Variants in EXT1 observed in about 807,000 individuals in gnomAD.
The protein encoded by EXT1 is exostosin glycosyltransferase 1.
In EXT1, 20 loss-of-function variants were observed where a neutral mutation model predicts 82.5. The observed-to-expected ratio is 0.24, with a 90% CI of 0.17 to 0.35. The LOEUF (loss-of-function observed/expected upper bound fraction) is 0.35, where lower values mean the gene tolerates loss of function less well. Among genes scored for constraint, EXT1 ranks in the 10% least tolerant of loss-of-function variants. The pLI is 1.00. For synonymous variants in EXT1, 348 were observed against 350.8 expected (o/e 0.99, Z 0.09); for missense variants, 757 against 936.5 (o/e 0.81, Z 2.50).
chr8:118,028,511 A>C (rs1816242645), intron 1 of EXT1, among the ~76,000 whole-genome samples: 1 of 152,092 alleles, frequency 6.6e-6, no homozygotes, highest in African/African-American at 2.4e-5. Context: ...TAAGATATAC[A>C]TATATAGATA....
Position 118,023,556 on chromosome 8 carries a change from G to A in EXT1, c.962+86529C>T, listed in dbSNP as rs148114766. Among the ~76,000 whole-genome samples, 496 of 152,262 alleles carry A rather than the reference G, an allele frequency of 3.3e-3. 2 individuals carry two copies. The highest frequency in any genetic ancestry group is 5.5e-3 in the Non-Finnish European group (374 of 68,012). On this transcript the variant is annotated intron_variant, in intron 1 of 10. Coordinates refer to ENST00000378204, the MANE Select transcript of EXT1 (RefSeq NM_000127.3). ...TCCTAGCAGGCTCTCAGGCTACTAG[G>A]AAAATGTAGTCATCATAAACTAAAC...
chr8:117,959,084 CTCCAAT>C (rs939895576), intron 1 of EXT1, among the ~76,000 whole-genome samples: 7 of 152,334 alleles, frequency 4.6e-5, no homozygotes, highest in African/African-American at 1.7e-4. Context: ...TCCACACTTC[CTCCAAT>C]TAGCATCACA....
intron 1 of EXT1, among the ~76,000 whole-genome samples, chr8:117,893,334 C>T (rs1813280765): frequency 1.3e-5 from 2 of 152,132 alleles, no homozygotes; most frequent in South Asian, 4.1e-4. Flanking sequence ...AGATGAGGCA[C>T]AGAAAAGCCA....
intron 1 of EXT1, among the ~76,000 whole-genome samples, chr8:118,098,023 A>C (rs547397148): frequency 1.1e-3 from 164 of 152,050 alleles, no homozygotes; most frequent in African/African-American, 3.8e-3. Flanking sequence ...GGGGAGAAGG[A>C]GGAGGAGTGT....
At chr8:117,922,283 G>A (rs1361212165) in intron 1 of EXT1, among the ~76,000 whole-genome samples, 1 of 152,082 alleles carries the variant, frequency 6.6e-6, no homozygotes, top group African/African-American at 2.4e-5. Flanking sequence ...TTTATCTCCC[G>A]AGGTCTAAGT....
chr8:117,887,069 CTGTT>C (rs2129933428), intron 1 of EXT1, among the ~76,000 whole-genome samples: 1 of 152,278 alleles, frequency 6.6e-6, no homozygotes, highest in South Asian at 2.1e-4. Context: ...GATATAGCCT[CTGTT>C]TAACAGTTCA....
chr8:117,852,392 GAT>G (rs1379172552), intron 1 of EXT1, among the ~76,000 whole-genome samples: 2 of 152,178 alleles, frequency 1.3e-5, no homozygotes, highest in African/African-American at 2.4e-5. Flanking sequence ...CTGAATAAGA[GAT>G]AACATCTTTC....
intron 4 of EXT1, among the ~76,000 whole-genome samples, chr8:117,829,569 C>CT (rs35823668): frequency 0.16 from 15,587 of 95,894 alleles, 1,680 homozygotes; most frequent in Non-Finnish European, 0.19. Context: ...ATATATTTTT[C>CT]TTTTTTTTTT....
chr8:118,029,412 C>G (rs929972066), intron 1 of EXT1, among the ~76,000 whole-genome samples: 1 of 152,046 alleles, frequency 6.6e-6, no homozygotes, highest in African/African-American at 2.4e-5. Context: ...GACAGTGAGA[C>G]CTCATCTCTT....
intron 1 of EXT1, among the ~76,000 whole-genome samples, chr8:118,097,531 G>A (rs1474017994): frequency 6.6e-6 from 1 of 152,172 alleles, no homozygotes; most frequent in African/African-American, 2.4e-5. Context: ...GGCTTTTTCA[G>A]AAGCTCCCCA....
At chr8:117,915,308 G>A (rs1226382441) in intron 1 of EXT1, among the ~76,000 whole-genome samples, 1 of 151,728 alleles carries the variant, frequency 6.6e-6, no homozygotes, top group Admixed American at 6.6e-5. Context: ...GAATAATTCT[G>A]CATAGAATGT....
intron 6 of EXT1, 85 bp downstream of exon 6, chr8:117,819,591 G>T (rs1191305406): frequency 1.0e-5 from 12 of 1,146,048 alleles, no homozygotes; most frequent in African/African-American, 1.5e-5. Flanking sequence ...AGCCTGGGGA[G>T]CCCGGGGGAT....
At chr8:118,093,469 G>A (rs1321997123) in intron 1 of EXT1, among the ~76,000 whole-genome samples, 1 of 152,020 alleles carries the variant, frequency 6.6e-6, no homozygotes, top group Non-Finnish European at 1.5e-5. Flanking sequence ...TTTGAACAGT[G>A]GATGTTAGAG....
chr8:117,874,675 C>G (rs1042254938), intron 1 of EXT1, among the ~76,000 whole-genome samples: 1 of 151,868 alleles, frequency 6.6e-6, no homozygotes, highest in Non-Finnish European at 1.5e-5. Flanking sequence ...TACTCTGCTA[C>G]TCATGTGCCC....
intron 1 of EXT1, among the ~76,000 whole-genome samples, chr8:118,008,686 G>A (rs904032034): frequency 6.6e-6 from 1 of 152,044 alleles, no homozygotes; most frequent in African/African-American, 2.4e-5. Flanking sequence ...AAAGCATTAT[G>A]TATTTAATTA....
At chr8:117,925,151 A>G (rs17504490) in intron 1 of EXT1, among the ~76,000 whole-genome samples, 3,181 of 152,312 alleles carry the variant, frequency 0.021, 47 homozygotes, top group Middle Eastern at 0.048. Flanking sequence ...GGAAATGGGA[A>G]TGCATTTGAA....
intron 5 of EXT1, among the ~76,000 whole-genome samples, chr8:117,820,504 C>T (rs1811905161): frequency 6.6e-6 from 1 of 152,134 alleles, no homozygotes; most frequent in Non-Finnish European, 1.5e-5. Flanking sequence ...GCCTGGCCAA[C>T]ATGGTGAAAT....
intron 1 of EXT1, among the ~76,000 whole-genome samples, chr8:117,922,945 G>C (rs560736626): frequency 6.6e-6 from 1 of 152,354 alleles, no homozygotes; most frequent in South Asian, 2.1e-4. Context: ...TGGATCCTGA[G>C]CAATTGTCCA....
chr8:118,017,115 A>G (rs1816018025), intron 1 of EXT1, among the ~76,000 whole-genome samples: 1 of 152,194 alleles, frequency 6.6e-6, no homozygotes, highest in Admixed American at 6.5e-5. Context: ...TAAGATGTCC[A>G]TCATCTTGAA....
Sources: gnomAD v4.1 joint callset for allele counts (sites outside exome capture counted in the v4.1 genomes callset) on GRCh38, gnomAD v4.1.1 for gene constraint, MANE v1.5 for transcripts, NCBI Gene and HGNC (gene_info 2026-07-23, HGNC 2026-07-21) for gene names.